The following WNK1 variants were observed in gnomAD, a reference collection of about 807,000 sequenced individuals.
The protein encoded by WNK1 is WNK lysine deficient protein kinase 1, also known as serine/threonine-protein kinase WNK1.
A neutral mutation model predicts 222.8 loss-of-function variants in WNK1; 38 were observed. That is an observed-to-expected ratio of 0.17 (90% CI 0.13 to 0.22). The LOEUF (loss-of-function observed/expected upper bound fraction) is 0.22, where lower values mean the gene tolerates loss of function less well. Ranked by LOEUF, WNK1 falls within the 10% of genes least tolerant of loss-of-function variation. The pLI, the probability that WNK1 is intolerant of heterozygous loss-of-function variation, is 1.00. For missense variants in WNK1, 2,348 were observed against 2,918.4 expected (o/e 0.80, Z 4.50); for synonymous variants, 1,090 against 1,092.9 (o/e 1.00, Z 0.05).
chr12:906,351 T>A, intron 26 of WNK1: 2 of 985,334 alleles, frequency 2.0e-6, no homozygotes, highest in South Asian at 4.7e-5. Context: ...CAGGCAGGCA[T>A]AGACTCCCTC....
rs930230299 is a variant in WNK1 at position 865,133 on chromosome 12, G to A, written c.2139+2863G>A. ...AGCCTCGTCGTGGCCGTAGCATGTC[G>A]GTTTGTGTTCCCATCTTTCTGCTGT... On this transcript the variant is annotated intron_variant, in intron 8 of 27. Transcript: ENST00000315939. 23 of 1,515,510 alleles carry A rather than the reference G, an allele frequency of 1.5e-5. No homozygotes were observed. The highest frequency in any genetic ancestry group is 4.9e-5 in the East Asian group (2 of 40,610). 93.9% of individuals were successfully genotyped at this position (1,515,510 alleles called of 1,614,324 possible).
chr12:829,851 A>T, intron 3 of WNK1, 152 bp from the exon 4 acceptor site: 3 of 759,316 alleles, frequency 4.0e-6, no homozygotes, highest in Non-Finnish European at 6.7e-6. Flanking sequence ...AGACTGACTG[A>T]GAAGATTTCC....
intron 1 of WNK1, among the ~76,000 whole-genome samples, chr12:771,391 T>C (rs1179747403): frequency 6.6e-6 from 1 of 152,182 alleles, no homozygotes; most frequent in East Asian, 1.9e-4. Flanking sequence ...ACTGAGAAAT[T>C]GGTTAAATTG....
intron 4 of WNK1, chr12:851,893 T>A: frequency 1.1e-6 from 1 of 944,490 alleles, no homozygotes; most frequent in Non-Finnish European, 1.4e-6. Flanking sequence ...AGTATTGAAA[T>A]TGTTAACTTG....
At chr12:785,401 C>A (rs566487085) in intron 1 of WNK1, among the ~76,000 whole-genome samples, 4 of 31,304 alleles carry the variant, frequency 1.3e-4, no homozygotes, top group Admixed American at 7.4e-4. Flanking sequence ...CATTTTCTCC[C>A]CCCCCCCCAC....
chr12:842,555 C>T (rs1375436692), intron 4 of WNK1, among the ~76,000 whole-genome samples: 1 of 152,078 alleles, frequency 6.6e-6, no homozygotes, highest in Non-Finnish European at 1.5e-5. Flanking sequence ...TTTGTTCTTT[C>T]TTCCCTGAGA....
chr12:870,621 G>A (rs1240175897), intron 8 of WNK1, among the ~76,000 whole-genome samples: 1 of 152,086 alleles, frequency 6.6e-6, no homozygotes, highest in Non-Finnish European at 1.5e-5. Flanking sequence ...GTTGTGGTGG[G>A]CTGTTCTATG....
intron 1 of WNK1, among the ~76,000 whole-genome samples, chr12:795,357 C>T (rs1038887512): frequency 2.0e-5 from 3 of 150,858 alleles, no homozygotes; most frequent in Non-Finnish European, 4.4e-5. Context: ...TCCCCCCACC[C>T]AAGTCTCACT....
intron 4 of WNK1, among the ~76,000 whole-genome samples, chr12:833,561 C>T (rs1017016072): frequency 2.6e-5 from 4 of 151,816 alleles, no homozygotes; most frequent in African/African-American, 7.2e-5. Flanking sequence ...ATATACTTAA[C>T]GGTCTTCCTC....
At position 869,936 on chromosome 12, in the gene WNK1, CTT is replaced by C. The variant is rs371648305; in HGVS notation, c.2140-1328_2140-1327del. ...ATTTATGTGTATGAGCATATACACA[CTT>C]AGCAAATAAAGACAATGTAATGAAT... On this transcript the variant is annotated intron_variant, in intron 8 of 27. Coordinates refer to ENST00000315939, the MANE Select transcript of WNK1 (RefSeq NM_018979.4). 2.3e-3 allele frequency among the ~76,000 whole-genome samples: 348 copies of C among 152,048 alleles called. 1 individual carries two copies. The highest frequency in any genetic ancestry group is 8.2e-3 in the African/African-American group (342 of 41,512).
At chr12:861,742 G>A (rs924272302) in intron 7 of WNK1, among the ~76,000 whole-genome samples, 1 of 152,236 alleles carries the variant, frequency 6.6e-6, no homozygotes, top group African/African-American at 2.4e-5. Context: ...AAACTAATGA[G>A]AACACTGGTT....
intron 26 of WNK1, among the ~76,000 whole-genome samples, chr12:903,721 T>C (rs527717085): frequency 3.3e-5 from 5 of 152,276 alleles, no homozygotes; most frequent in South Asian, 4.1e-4. Context: ...GGATACATCA[T>C]GTAAGCCTGG....
At chr12:858,192 C>T (rs937532669) in intron 5 of WNK1, among the ~76,000 whole-genome samples, 3 of 149,338 alleles carry the variant, frequency 2.0e-5, no homozygotes, top group African/African-American at 7.5e-5. Context: ...TTTGTTTCAA[C>T]TCTTTTTTTT....
intron 8 of WNK1, among the ~76,000 whole-genome samples, chr12:863,817 T>C (rs1951404094): frequency 6.6e-6 from 1 of 152,132 alleles, no homozygotes; most frequent in Non-Finnish European, 1.5e-5. Flanking sequence ...TACAATAATA[T>C]GGACAAATTA....
chr12:768,191 TAG>T (rs1431876380), intron 1 of WNK1, among the ~76,000 whole-genome samples: 2 of 152,116 alleles, frequency 1.3e-5, no homozygotes, highest in African/African-American at 4.8e-5. Flanking sequence ...TGTAGTGCAG[TAG>T]AGAGATATAT....
chr12:868,567 TC>T, intron 8 of WNK1: 1 of 1,613,994 alleles, frequency 6.2e-7, no homozygotes, highest in Non-Finnish European at 8.5e-7. Context: ...CTGTCTTTGT[TC>T]CTCATTCTGC....
chr12:890,661 A>G (rs150143370), intron 22 of WNK1, 148 bp downstream of exon 22: 38 of 872,790 alleles, frequency 4.4e-5, no homozygotes, highest in African/African-American at 2.5e-4. Context: ...AAGATTAGCA[A>G]ATTAATAAAT....
At chr12:895,903 G>A (rs527676146) in intron 23 of WNK1, among the ~76,000 whole-genome samples, 168 bp from the exon 24 acceptor site, 1 of 152,310 alleles carries the variant, frequency 6.6e-6, no homozygotes, top group African/African-American at 2.4e-5. Flanking sequence ...CTCTATGATG[G>A]TATTCAATTT....
intron 1 of WNK1, among the ~76,000 whole-genome samples, chr12:756,072 A>G (rs1939983641): frequency 1.3e-5 from 2 of 152,240 alleles, no homozygotes; most frequent in African/African-American, 4.8e-5. Context: ...TTCTTGTACT[A>G]TCGATGCTTA....
Sources: gnomAD v4.1 joint callset for allele counts (sites outside exome capture counted in the v4.1 genomes callset) on GRCh38, gnomAD v4.1.1 for gene constraint, MANE v1.5 for transcripts, NCBI Gene and HGNC (gene_info 2026-07-23, HGNC 2026-07-21) for gene names.